The following SLC71A1 variants were observed in gnomAD, a reference collection of about 807,000 sequenced individuals.
The protein encoded by SLC71A1 is hippocampus abundant gene transcript 1.
At chr1:100,041,672 C>T in the SLC71A1 span, among the ~76,000 whole-genome samples, 2 of 152,098 alleles carry the variant, frequency 1.3e-5, no homozygotes, top group African/African-American at 4.8e-5. Flanking sequence ...GCCTGTAATC[C>T]CAGCACTTTG....
At chr1:100,053,790 A>G in the SLC71A1 span, among the ~76,000 whole-genome samples, 5 of 152,222 alleles carry the variant, frequency 3.3e-5, no homozygotes, top group Non-Finnish European at 7.3e-5. Flanking sequence ...GCCCAGGGGA[A>G]GATGGTGAGC....
chr1:100,039,683 C>T, the SLC71A1 span, among the ~76,000 whole-genome samples: 10 of 152,212 alleles, frequency 6.6e-5, no homozygotes, highest in East Asian at 1.9e-3. Context: ...CCTTTGTCTA[C>T]CTTTAGAAAG....
the SLC71A1 span, among the ~76,000 whole-genome samples, chr1:100,081,799 T>G: frequency 2.6e-5 from 4 of 152,234 alleles, no homozygotes; most frequent in African/African-American, 9.6e-5. Context: ...TAGGCTGTTT[T>G]GCCAGTTGTT....
the SLC71A1 span, chr1:100,038,220 C>T: frequency 1.0e-5 from 16 of 1,552,322 alleles, no homozygotes; most frequent in Non-Finnish European, 1.3e-5. Context: ...CGCCAGGAAT[C>T]GAGGATGGTA....
At chr1:100,071,205 C>T in the SLC71A1 span, among the ~76,000 whole-genome samples, 1 of 148,788 alleles carries the variant, frequency 6.7e-6, no homozygotes, top group Non-Finnish European at 1.5e-5. Context: ...GTATTCCCAG[C>T]ACTTTGGGTG....
the SLC71A1 span, among the ~76,000 whole-genome samples, chr1:100,076,200 T>G: frequency 6.6e-6 from 1 of 152,222 alleles, no homozygotes; most frequent in Non-Finnish European, 1.5e-5. Context: ...ATTAAATTCT[T>G]AAGTGGCCAT....
At chr1:100,068,113 C>T in the SLC71A1 span, 3 of 1,614,074 alleles carry the variant, frequency 1.9e-6, no homozygotes, top group East Asian at 2.2e-5. Context: ...ATCCTTGTTG[C>T]TGTGCCAGAG....
At chr1:100,051,180 C>T in the SLC71A1 span, among the ~76,000 whole-genome samples, 1 of 151,586 alleles carries the variant, frequency 6.6e-6, no homozygotes, top group African/African-American at 2.4e-5. Flanking sequence ...ATCACGAGGT[C>T]AAGAGATTGA....
At chr1:100,046,212 G>A in the SLC71A1 span, among the ~76,000 whole-genome samples, 3 of 54,076 alleles carry the variant, frequency 5.5e-5, no homozygotes, top group Non-Finnish European at 1.1e-4. Flanking sequence ...TCCAAGCCTC[G>A]TTTTTTTTTT....
chr1:100,053,478 T>C, the SLC71A1 span, among the ~76,000 whole-genome samples: 1,102 of 152,342 alleles, frequency 7.2e-3, 9 homozygotes, highest in African/African-American at 0.025. Context: ...AGACATAATT[T>C]AATTTATATT....
chr1:100,046,049 C>T, the SLC71A1 span, among the ~76,000 whole-genome samples: 1 of 151,868 alleles, frequency 6.6e-6, no homozygotes, highest in Non-Finnish European at 1.5e-5. Context: ...ACTTCGGTGC[C>T]GTTGTCAAAA....
At chr1:100,046,133 A>G in the SLC71A1 span, among the ~76,000 whole-genome samples, 2 of 145,974 alleles carry the variant, frequency 1.4e-5, no homozygotes, top group Non-Finnish European at 3.0e-5. Flanking sequence ...ATCTGTTTTT[A>G]TACCAGTATT....
At chr1:100,065,601 CT>C in the SLC71A1 span, among the ~76,000 whole-genome samples, 1 of 148,586 alleles carries the variant, frequency 6.7e-6, no homozygotes, top group East Asian at 2.0e-4. Context: ...TTCCCTTCCC[CT>C]TTTCCCTTTC....
the SLC71A1 span, among the ~76,000 whole-genome samples, chr1:100,044,512 T>A: frequency 4.2e-5 from 3 of 71,952 alleles, no homozygotes; most frequent in Non-Finnish European, 8.8e-5. Context: ...ACTCTGCTGA[T>A]TTTTTTTTTT....
the SLC71A1 span, among the ~76,000 whole-genome samples, chr1:100,051,690 C>T: frequency 3.3e-5 from 5 of 152,102 alleles, no homozygotes; most frequent in Non-Finnish European, 5.9e-5. Context: ...TTTCCTAATG[C>T]GCCAGCGTGC....
chr1:100,060,103 A>C, the SLC71A1 span: 3 of 1,177,354 alleles, frequency 2.5e-6, no homozygotes, highest in Non-Finnish European at 1.2e-6. Context: ...CTTGGTTATG[A>C]GGTTTTAATT....
At chr1:100,055,142 T>C in the SLC71A1 span, among the ~76,000 whole-genome samples, 1 of 152,192 alleles carries the variant, frequency 6.6e-6, no homozygotes, top group African/African-American at 2.4e-5. Context: ...ATTCATAATG[T>C]TTTTCATTCT....
At chr1:100,038,786 T>C in the SLC71A1 span, among the ~76,000 whole-genome samples, 1 of 152,332 alleles carries the variant, frequency 6.6e-6, no homozygotes, top group African/African-American at 2.4e-5. Context: ...GGCGCGGGGA[T>C]CCCGCTGCGG....
the SLC71A1 span, chr1:100,043,125 A>G: frequency 1.0e-6 from 1 of 984,388 alleles, no homozygotes; most frequent in Admixed American, 6.1e-5. Flanking sequence ...TTGCATACCA[A>G]CATAATCAGA....
Sources: allele counts gnomAD v4.1 joint callset (sites outside exome capture counted in the v4.1 genomes callset), GRCh38; gene constraint gnomAD v4.1.1; transcripts MANE v1.5; gene names NCBI Gene and HGNC (gene_info 2026-07-23, HGNC 2026-07-21).